CHRM2: variants seen among roughly 807,000 people sequenced by gnomAD.
CHRM2 encodes muscarinic acetylcholine receptor M2.
In CHRM2, 8 loss-of-function variants were observed where a neutral mutation model predicts 25.0. The observed-to-expected ratio is 0.32, with a 90% confidence interval of 0.19 to 0.58. The LOEUF (loss-of-function observed/expected upper bound fraction) is 0.58. Ranked by LOEUF, CHRM2 falls within the 20% of genes least tolerant of loss-of-function variation. CHRM2 has a pLI of 0.88. For missense variants in CHRM2, 440 were observed against 567.1 expected (o/e 0.78, Z 2.28); for synonymous variants, 202 against 205.7 (o/e 0.98, Z 0.15).
At chr7:136,993,581 A>G (rs1310439023) in intron 3 of CHRM2, among the ~76,000 whole-genome samples, 1 of 152,196 alleles carries the variant, frequency 6.6e-6, no homozygotes, top group East Asian at 1.9e-4. Context: ...AGAGATGGCC[A>G]TAGATGGGAA....
At chr7:136,986,319 A>G (rs763877125) in intron 2 of CHRM2, among the ~76,000 whole-genome samples, 3 of 151,740 alleles carry the variant, frequency 2.0e-5, no homozygotes, top group Non-Finnish European at 4.4e-5. Context: ...TTTCCCCTCA[A>G]AGATTAAATT....
intron 2 of CHRM2, among the ~76,000 whole-genome samples, chr7:136,946,988 G>C (rs1455262181): frequency 6.6e-6 from 1 of 152,114 alleles, no homozygotes; most frequent in Non-Finnish European, 1.5e-5. Flanking sequence ...TATGCCCAGG[G>C]GAGCAAAAGG....
intron 2 of CHRM2, among the ~76,000 whole-genome samples, chr7:136,921,821 C>T (rs1332908945): frequency 2.9e-5 from 3 of 104,718 alleles, no homozygotes; most frequent in African/African-American, 8.1e-5. Context: ...TTCTCACTCT[C>T]ACACCCGGGC....
chr7:136,915,764 C>A (rs181122782), intron 2 of CHRM2, among the ~76,000 whole-genome samples: 3 of 151,712 alleles, frequency 2.0e-5, no homozygotes, highest in Non-Finnish European at 2.9e-5. Context: ...ATGCGCCAAC[C>A]TCAGTGAATT....
intron 3 of CHRM2, among the ~76,000 whole-genome samples, chr7:137,013,076 C>A (rs1804930398): frequency 1.3e-5 from 2 of 151,876 alleles, no homozygotes; most frequent in African/African-American, 4.8e-5. Flanking sequence ...TTAGATTATT[C>A]ATCTTTCATC....
intron 3 of CHRM2, among the ~76,000 whole-genome samples, chr7:137,009,009 G>A (rs1352471732): frequency 6.6e-6 from 1 of 152,054 alleles, no homozygotes; most frequent in Admixed American, 6.6e-5. Flanking sequence ...AACTGGAAAA[G>A]ATAATAGTCA....
At chr7:136,906,095 ATATG>A (rs917264688) in intron 2 of CHRM2, among the ~76,000 whole-genome samples, 8 of 151,012 alleles carry the variant, frequency 5.3e-5, no homozygotes, top group Middle Eastern at 3.5e-3. Context: ...AAAATTTACA[ATATG>A]TATGTATATA....
intron 2 of CHRM2, among the ~76,000 whole-genome samples, chr7:136,912,600 G>T (rs909077172): frequency 1.1e-4 from 16 of 151,762 alleles, no homozygotes; most frequent in Non-Finnish European, 1.6e-4. Flanking sequence ...TTATCAATGG[G>T]TAGCAGAGCC....
At chr7:137,008,237 T>C (rs1447334912) in intron 3 of CHRM2, among the ~76,000 whole-genome samples, 1 of 152,128 alleles carries the variant, frequency 6.6e-6, no homozygotes, top group Non-Finnish European at 1.5e-5. Flanking sequence ...TATCCTTTAC[T>C]ACCAACCGCT....
At chr7:136,891,235 C>G (rs560386220) in intron 2 of CHRM2, among the ~76,000 whole-genome samples, 1 of 152,264 alleles carries the variant, frequency 6.6e-6, no homozygotes, top group African/African-American at 2.4e-5. Flanking sequence ...ACCCAATGTC[C>G]TCTTTCTGAT....
At chr7:136,981,964 C>T (rs919368263) in intron 2 of CHRM2, among the ~76,000 whole-genome samples, 22 of 152,182 alleles carry the variant, frequency 1.4e-4, no homozygotes, top group African/African-American at 5.1e-4. Flanking sequence ...TCTATTAGGT[C>T]GACTTGGTCC....
chr7:136,873,594 C>T (rs1024080713), intron 2 of CHRM2, among the ~76,000 whole-genome samples: 2 of 152,076 alleles, frequency 1.3e-5, no homozygotes, highest in Non-Finnish European at 2.9e-5. Flanking sequence ...GGTAATGACC[C>T]GAGATCATAC....
chr7:136,940,343 G>A (rs1255498782), intron 2 of CHRM2, among the ~76,000 whole-genome samples: 2 of 152,128 alleles, frequency 1.3e-5, no homozygotes, highest in Non-Finnish European at 2.9e-5. Context: ...CAGAGAGGAA[G>A]CCTTCTGTAG....
chr7:136,888,328 T>G (rs1796551603), intron 2 of CHRM2, among the ~76,000 whole-genome samples: 1 of 152,186 alleles, frequency 6.6e-6, no homozygotes, highest in African/African-American at 2.4e-5. Flanking sequence ...CCCTGCCCAT[T>G]GCTGCGCTGG....
rs142686160 is a variant in CHRM2, at chr7:137,005,617, G to A, written c.-46-9203G>A. On this transcript the variant is annotated intron_variant, in intron 3 of 3. Transcript: ENST00000680005. The stretch of plus-strand genomic sequence containing the variant: ...AGTTGTCCTTGACCTACTATCCAAA[G>A]CTCCACATTGCCATGTGCTCTGTCT... Among the ~76,000 whole-genome samples the A allele has an allele frequency of 7.2e-5, 11 of 151,992 alleles. No homozygotes were observed. The East Asian group carries it at 2.1e-3, about 30-fold the overall frequency.
At chr7:136,895,932 A>T (rs551804893) in intron 2 of CHRM2, among the ~76,000 whole-genome samples, 22 of 152,188 alleles carry the variant, frequency 1.4e-4, no homozygotes, top group Non-Finnish European at 1.8e-4. Context: ...GATTGGGGAG[A>T]CCTTCTAAAC....
intron 2 of CHRM2, among the ~76,000 whole-genome samples, chr7:136,969,222 A>G (rs1801608477): frequency 6.6e-6 from 1 of 152,202 alleles, no homozygotes. Context: ...TTGGAAAAAA[A>G]ATAACTTGTT....
chr7:136,969,496 A>G (rs191865260), intron 2 of CHRM2, among the ~76,000 whole-genome samples: 2 of 152,286 alleles, frequency 1.3e-5, no homozygotes, highest in East Asian at 1.9e-4. Flanking sequence ...TCCTGAAAGC[A>G]TCCCAGGATT....
chr7:136,875,979 C>A (rs1175210547), intron 2 of CHRM2, among the ~76,000 whole-genome samples: 2 of 152,126 alleles, frequency 1.3e-5, no homozygotes, highest in Admixed American at 1.3e-4. Context: ...TCTAGCCATT[C>A]CTCAAACTAA....
Sources: gnomAD v4.1 joint callset for allele counts (sites outside exome capture counted in the v4.1 genomes callset) on GRCh38, gnomAD v4.1.1 for gene constraint, MANE v1.5 for transcripts, NCBI Gene and HGNC (gene_info 2026-07-23, HGNC 2026-07-21) for gene names.